The following WWC2 variants were observed in gnomAD, a reference collection of about 807,000 sequenced individuals.
The protein encoded by WWC2 is protein WWC2.
WWC2 carries 101 observed loss-of-function variants against 138.5 expected under a neutral mutation model. The ratio of observed to expected loss-of-function variants is 0.73; its 90% CI spans 0.62 to 0.86. The LOEUF (loss-of-function observed/expected upper bound fraction) is 0.86, where lower values mean the gene tolerates loss of function less well. Ranked by LOEUF, WWC2 falls within the 40% of genes least tolerant of loss-of-function variation. The pLI is 0.00. For missense variants in WWC2, 1,420 were observed against 1,419.4 expected (o/e 1.00, Z -0.01); for synonymous variants, 558 against 538.4 (o/e 1.04, Z -0.50).
chr4:183,297,996 A>G (rs1288519546), intron 21 of WWC2, among the ~76,000 whole-genome samples: 1 of 152,260 alleles, frequency 6.6e-6, no homozygotes, highest in African/African-American at 2.4e-5. Flanking sequence ...GGGAGACACT[A>G]GTTATACCTT....
chr4:183,128,921 G>A (rs913023095), intron 1 of WWC2, among the ~76,000 whole-genome samples: 1 of 152,166 alleles, frequency 6.6e-6, no homozygotes, highest in Non-Finnish European at 1.5e-5. Flanking sequence ...AGACTTACTA[G>A]CTTTTTAGTT....
At chr4:183,110,291 T>A (rs573084729) in intron 1 of WWC2, among the ~76,000 whole-genome samples, 2 of 152,342 alleles carry the variant, frequency 1.3e-5, no homozygotes, top group African/African-American at 4.8e-5. Context: ...GCTTTGGTAG[T>A]TAGAAATACT....
intron 1 of WWC2, among the ~76,000 whole-genome samples, chr4:183,099,956 C>G (rs1009533078): frequency 6.6e-6 from 1 of 152,230 alleles, no homozygotes; most frequent in Non-Finnish European, 1.5e-5. Flanking sequence ...CACGTGGAGG[C>G]TGCAGGACAC....
chr4:183,140,784 GT>G (rs1270779678), intron 1 of WWC2, among the ~76,000 whole-genome samples: 1 of 152,158 alleles, frequency 6.6e-6, no homozygotes, highest in Non-Finnish European at 1.5e-5. Context: ...TAATTTTATA[GT>G]TTTTATAATA....
intron 21 of WWC2, among the ~76,000 whole-genome samples, chr4:183,305,534 C>T (rs2309874): frequency 0.76 from 114,827 of 151,992 alleles, 43,734 homozygotes; most frequent in Non-Finnish European, 0.81. Context: ...AGCTTCCTTA[C>T]AGGAGAACAA....
At chr4:183,188,631 T>A (rs1010468397) in intron 1 of WWC2, among the ~76,000 whole-genome samples, 1 of 145,968 alleles carries the variant, frequency 6.9e-6, no homozygotes, top group Non-Finnish European at 1.5e-5. Flanking sequence ...TCTCTCTCTC[T>A]CTTGCTCCTT....
At position 183,286,025 on chromosome 4, in the gene WWC2, ACT is replaced by A; in HGVS notation, c.3109_3110del (p.Ser1037HisfsTer18). ...GCTAAAAAATCACTGTTTGTGAGAAACTCCACCGAACGCCGCAGTTTGAGGGT... is the reference window on the plus strand; with the variant it reads ...GCTAAAAAATCACTGTTTGTGAGAAACCACCGAACGCCGCAGTTTGAGGGT... On this transcript the variant is annotated frameshift_variant, in exon 20 of 23. Coordinates refer to ENST00000403733, the MANE Select transcript of WWC2 (RefSeq NM_024949.6). LOFTEE classifies it high-confidence loss of function. 1.3e-6 allele frequency: 2 copies of A among 1,590,674 alleles called. No individual in the cohort carries two copies. The highest frequency in any genetic ancestry group is 1.7e-6 in the Non-Finnish European group (2 of 1,167,408).
chr4:183,202,679 G>T (rs1187129303), intron 2 of WWC2, among the ~76,000 whole-genome samples: 1 of 151,854 alleles, frequency 6.6e-6, no homozygotes, highest in East Asian at 1.9e-4. Context: ...AGATTGAGGG[G>T]AAGTGTTGAG....
At chr4:183,280,146 G>A (rs910529481) in intron 16 of WWC2, among the ~76,000 whole-genome samples, 1 of 151,208 alleles carries the variant, frequency 6.6e-6, no homozygotes, top group African/African-American at 2.4e-5. Context: ...AATCATGTGG[G>A]GATGTGAATT....
intron 16 of WWC2, among the ~76,000 whole-genome samples, chr4:183,272,902 G>A (rs1449061281): frequency 6.6e-6 from 1 of 152,178 alleles, no homozygotes; most frequent in Non-Finnish European, 1.5e-5. Flanking sequence ...GAAAAATGCA[G>A]CTATGAACAT....
At chr4:183,157,508 A>G (rs1319124727) in intron 1 of WWC2, among the ~76,000 whole-genome samples, 3 of 151,880 alleles carry the variant, frequency 2.0e-5, no homozygotes, top group African/African-American at 7.3e-5. Flanking sequence ...TTTTTTTTAT[A>G]TATTTATTTT....
chr4:183,113,110 T>A (rs1185281674), intron 1 of WWC2, among the ~76,000 whole-genome samples: 1 of 152,024 alleles, frequency 6.6e-6, no homozygotes, highest in Middle Eastern at 3.4e-3. Context: ...CCATCTCTAC[T>A]AAAAATACAA....
At chr4:183,259,474 C>T (rs945407346) in intron 9 of WWC2, among the ~76,000 whole-genome samples, 165 bp from the exon 10 acceptor site, 1 of 152,196 alleles carries the variant, frequency 6.6e-6, no homozygotes, top group African/African-American at 2.4e-5. Context: ...TTGGCTCGTG[C>T]AGCTCTGCCC....
intron 9 of WWC2, among the ~76,000 whole-genome samples, chr4:183,258,901 C>T (rs2111352585): frequency 6.6e-6 from 1 of 152,148 alleles, no homozygotes; most frequent in Middle Eastern, 3.4e-3. Context: ...TGCATAAACC[C>T]CTGGGTACTT....
At chr4:183,288,389 C>T (rs1294720666) in intron 20 of WWC2, among the ~76,000 whole-genome samples, 3 of 152,210 alleles carry the variant, frequency 2.0e-5, no homozygotes, top group Admixed American at 1.3e-4. Context: ...TTAGTGATCA[C>T]TTATTTTGCA....
chr4:183,269,672 A>G (rs1465768903), intron 15 of WWC2: 3 of 358,808 alleles, frequency 8.4e-6, no homozygotes, highest in Non-Finnish European at 1.7e-5. Context: ...TCCCCACATA[A>G]TTACATAATT....
intron 21 of WWC2, among the ~76,000 whole-genome samples, chr4:183,307,053 T>C (rs1739046479): frequency 6.6e-6 from 1 of 152,138 alleles, no homozygotes; most frequent in South Asian, 2.1e-4. Flanking sequence ...TGACAACAGA[T>C]GGCACACTCT....
intron 4 of WWC2, chr4:183,233,642 C>T (rs1239875913): frequency 6.6e-6 from 1 of 152,166 alleles, no homozygotes; most frequent in African/African-American, 2.4e-5. Flanking sequence ...GTTTAGCCAT[C>T]TCGTTTCTGA....
intron 1 of WWC2, among the ~76,000 whole-genome samples, chr4:183,140,388 G>A (rs1007497652): frequency 6.6e-6 from 1 of 152,182 alleles, no homozygotes; most frequent in Admixed American, 6.5e-5. Context: ...TACTAAGTCA[G>A]GATTTCTAGA....
Sources: allele counts gnomAD v4.1 joint callset (sites outside exome capture counted in the v4.1 genomes callset), GRCh38; gene constraint gnomAD v4.1.1; transcripts MANE v1.5; gene names NCBI Gene and HGNC (gene_info 2026-07-23, HGNC 2026-07-21).